PIK3AP1: variants seen among roughly 807,000 people sequenced by gnomAD.
PIK3AP1 encodes the protein phosphoinositide 3-kinase adapter protein 1.
In PIK3AP1, 21 loss-of-function variants were observed where a neutral mutation model predicts 88.1. That is an observed-to-expected ratio of 0.24 (90% CI 0.17 to 0.34). The LOEUF is 0.34. Among genes scored for constraint, PIK3AP1 ranks in the 10% least tolerant of loss-of-function variants. The pLI is 1.00. For missense variants in PIK3AP1, 828 were observed against 1,035.7 expected, an observed-to-expected ratio of 0.80 and a Z score of 2.75; for synonymous variants, 398 against 400.0, an observed-to-expected ratio of 1.00 and a Z score of 0.06.
chr10:96,641,968 C>CTTATT (rs1276069148), intron 8 of PIK3AP1, among the ~76,000 whole-genome samples: 1 of 152,174 alleles, frequency 6.6e-6, no homozygotes, highest in Non-Finnish European at 1.5e-5. Context: ...TACAGAGCCA[C>CTTATT]TGTTAGTAAA....
Position 96,657,220 on chromosome 10 carries a change from G to A in PIK3AP1, c.431-286C>T, listed in dbSNP as rs191193983. ...GTTTAGTCTTAACCAATGGGTTTCC[G>A]GAAGCTTTACCTGCAGACTTCCTGC... is the stretch of plus-strand genomic sequence containing the variant. On this transcript the variant is annotated intron_variant, in intron 2 of 16. Transcript: ENST00000339364. Among the ~76,000 whole-genome samples, 186 of 152,204 alleles carry A rather than the reference G, an allele frequency of 1.2e-3. 1 individual carries two copies. Among genetic ancestry groups the A allele is most frequent in the Admixed American group, 2.2e-3 (33 of 15,280 alleles).
chr10:96,652,497 T>C (rs1169734807), intron 4 of PIK3AP1, among the ~76,000 whole-genome samples: 2 of 151,522 alleles, frequency 1.3e-5, no homozygotes, highest in Admixed American at 6.6e-5. Flanking sequence ...GGCGTGAACC[T>C]GGGAGGTGGA....
chr10:96,681,478 C>T (rs186744490), intron 2 of PIK3AP1, among the ~76,000 whole-genome samples: 29 of 152,008 alleles, frequency 1.9e-4, no homozygotes, highest in Middle Eastern at 3.4e-3. Context: ...CCCTCAAGGA[C>T]GACCATTAAT....
chr10:96,646,825 G>A (rs1843466741), intron 7 of PIK3AP1, among the ~76,000 whole-genome samples: 1 of 152,130 alleles, frequency 6.6e-6, no homozygotes, highest in African/African-American at 2.4e-5. Context: ...TGACTTCCCT[G>A]AAACCTCTGC....
intron 2 of PIK3AP1, among the ~76,000 whole-genome samples, chr10:96,687,091 C>T (rs1274827277): frequency 6.6e-6 from 1 of 151,628 alleles, no homozygotes; most frequent in Non-Finnish European, 1.5e-5. Context: ...CCCGTCTCTA[C>T]TAAAAATACA....
At chr10:96,704,062 T>C (rs1844331803) in intron 2 of PIK3AP1, among the ~76,000 whole-genome samples, 1 of 152,140 alleles carries the variant, frequency 6.6e-6, no homozygotes, top group South Asian at 2.1e-4. Context: ...AGAGTAAAGA[T>C]TGTGATCTCA....
intron 2 of PIK3AP1, among the ~76,000 whole-genome samples, chr10:96,694,574 C>T (rs1844197163): frequency 7.0e-6 from 1 of 143,464 alleles, no homozygotes; most frequent in Non-Finnish European, 1.5e-5. Context: ...CCCTCTGTTG[C>T]CTAGGCTGGA....
At position 96,609,919 on chromosome 10, in the gene PIK3AP1, G is replaced by T. The variant is rs115609921; in HGVS notation, c.2015-52C>A. On this transcript the variant is annotated intron_variant, in intron 13 of 16. Coordinates refer to ENST00000339364, the MANE Select transcript of PIK3AP1 (RefSeq NM_152309.3). Reference sequence around the variant, plus strand: ...CTGTCAAGATACCAGACTGTCACCTGCCAAGCTGCTCAGCAGCTTCCCTCC... The same window carrying T: ...CTGTCAAGATACCAGACTGTCACCTTCCAAGCTGCTCAGCAGCTTCCCTCC... 8.9e-4 allele frequency: 1,417 copies of T among 1,586,034 alleles called. 14 individuals carry two copies. In the African/African-American group the frequency reaches 0.017, roughly 19 times the overall value.
Position 96,676,309 on chromosome 10 carries a change from T to C in PIK3AP1, c.431-19375A>G, listed in dbSNP as rs1054154848. Reference sequence around the variant, plus strand: ...CTTGTCTTTATCTGTGTGACCTTGCTTTTTTTTTTTTTTTTTTGACTTTGG... The same window carrying C: ...CTTGTCTTTATCTGTGTGACCTTGCCTTTTTTTTTTTTTTTTTGACTTTGG... On this transcript the variant is annotated intron_variant, in intron 2 of 16. Transcript: ENST00000339364. Among the ~76,000 whole-genome samples, 4 of 91,838 alleles carry C rather than the reference T, an allele frequency of 4.4e-5. No individual in the cohort carries two copies. In the Admixed American group the frequency reaches 5.0e-4, roughly 11 times the overall value. The allele number at this position is 91,838 out of a possible 152,430, so 60.2% of individuals were successfully genotyped here.
At position 96,602,347 on chromosome 10, in the gene PIK3AP1, C is replaced by T; in HGVS notation, c.2293G>A (p.Val765Met). Reference protein sequence around the residue: ...TRSRSPGPPQVDGTPTMSLER... With the variant: ...TRSRSPGPPQMDGTPTMSLER... ...AGGGACATGGTGGGTGTCCCATCCA[C>T]TTGTGGGGGGCCTGGACTGCGACTT... Residue 765 changes from valine to methionine, a missense_variant, in exon 16 of 17, where the codon GTG (valine) becomes ATG (methionine). Val to Met is a conservative substitution (Grantham distance 21). Coordinates refer to ENST00000339364, the MANE Select transcript of PIK3AP1 (RefSeq NM_152309.3). The T allele has an allele frequency of 6.2e-7, 1 of 1,612,492 alleles. No homozygotes were observed. Among genetic ancestry groups the T allele is most frequent in the Non-Finnish European group, 8.5e-7 (1 of 1,179,170 alleles).
At chr10:96,628,899 T>TATATAC (rs1843195869) in intron 8 of PIK3AP1, among the ~76,000 whole-genome samples, 3 of 15,242 alleles carry the variant, frequency 2.0e-4, no homozygotes, top group Non-Finnish European at 3.4e-4. Context: ...CATATATATA[T>TATATAC]ATATATATGT....
chr10:96,603,104 C>A (rs1848932753), intron 15 of PIK3AP1, among the ~76,000 whole-genome samples: 1 of 152,194 alleles, frequency 6.6e-6, no homozygotes, highest in Admixed American at 6.5e-5. Context: ...TAAGGTTTCA[C>A]TAGTAAGAGT....
Position 96,648,742 on chromosome 10 carries a change from C to T in PIK3AP1, c.1102G>A (p.Ala368Thr), listed in dbSNP as rs1406991950. 6.2e-7 allele frequency: 1 copy of T among 1,611,058 alleles called. No individual in the cohort carries two copies. The highest frequency in any genetic ancestry group is 8.5e-7 in the Non-Finnish European group (1 of 1,178,906). The change falls in exon 7 of 17, where the codon GCC becomes ACC. Residue 368 changes from alanine (A) to threonine (T), a missense_variant. Coordinates refer to ENST00000339364, the MANE Select transcript of PIK3AP1 (RefSeq NM_152309.3). The part of the protein sequence containing the change: ...CPGALQAYSV[A>T]NKHGHYPNTI... Reference sequence around the variant, plus strand: ...TTGGGGTAGTGGCCATGCTTGTTGGCCACGCTGTACGCCTGCAGGGCTCCT... The same window carrying T: ...TTGGGGTAGTGGCCATGCTTGTTGGTCACGCTGTACGCCTGCAGGGCTCCT...
At chr10:96,686,746 G>C (rs1844074487) in intron 2 of PIK3AP1, among the ~76,000 whole-genome samples, 2 of 151,994 alleles carry the variant, frequency 1.3e-5, no homozygotes, top group African/African-American at 4.8e-5. Flanking sequence ...GACTGCGTGT[G>C]CAGCTGTGCG....
intron 8 of PIK3AP1, among the ~76,000 whole-genome samples, chr10:96,641,421 T>G (rs867161186): frequency 1.2e-4 from 19 of 152,312 alleles, no homozygotes; most frequent in Middle Eastern, 3.4e-3. Context: ...TAAAGCCTGT[T>G]TGTCCTGTGA....
chr10:96,620,667 G>A, intron 11 of PIK3AP1, 110 bp from the exon 12 acceptor site: 1 of 893,300 alleles, frequency 1.1e-6, no homozygotes, highest in East Asian at 2.6e-5. Flanking sequence ...CTTCTCAAAA[G>A]AACAATTACA....
intron 8 of PIK3AP1, among the ~76,000 whole-genome samples, chr10:96,632,573 C>T (rs1320088577): frequency 6.6e-6 from 1 of 152,082 alleles, no homozygotes; most frequent in Non-Finnish European, 1.5e-5. Context: ...ATGCAATGAT[C>T]GAGATGGTGC....
At chr10:96,610,866 C>T (rs1849095579) in intron 13 of PIK3AP1, among the ~76,000 whole-genome samples, 1 of 152,352 alleles carries the variant, frequency 6.6e-6, no homozygotes, top group East Asian at 1.9e-4. Flanking sequence ...ACTCCCCCGG[C>T]TGCCTGGGAC....
intron 2 of PIK3AP1, among the ~76,000 whole-genome samples, chr10:96,677,528 G>A (rs1272006725): frequency 1.3e-5 from 2 of 148,254 alleles, no homozygotes; most frequent in African/African-American, 5.0e-5. Flanking sequence ...GTCCTGCCCC[G>A]ATGCTCTTTA....
Sources: allele counts gnomAD v4.1 joint callset (sites outside exome capture counted in the v4.1 genomes callset), GRCh38; gene constraint gnomAD v4.1.1; transcripts MANE v1.5; gene names NCBI Gene and HGNC (gene_info 2026-07-23, HGNC 2026-07-21).